Variants in RAB27B observed in about 807,000 individuals in gnomAD.
The protein encoded by RAB27B is RAB27B, member RAS oncogene family, also known as ras-related protein Rab-27B.
Under a neutral mutation model 24.6 loss-of-function variants are expected in RAB27B, and 15 were observed. The ratio of observed to expected loss-of-function variants is 0.61; its 90% CI spans 0.41 to 0.94. RAB27B has a LOEUF of 0.94. RAB27B is among the 40% of genes least tolerant of loss of function. RAB27B has a pLI of 0.00. For missense variants in RAB27B, 261 were observed against 266.8 expected (o/e 0.98, Z 0.15); for synonymous variants, 105 against 92.5 (o/e 1.14, Z -0.78).
In RAB27B at chr18:54,722,883, A is replaced by G. The variant is rs538805009; in HGVS notation, c.-20+4742A>G. 2.0e-5 allele frequency among the ~76,000 whole-genome samples: 3 copies of G among 152,322 alleles called. No individual in the cohort carries two copies. The East Asian group carries it at 5.8e-4, about 29-fold the overall frequency. On this transcript the variant is annotated intron_variant, in intron 2 of 4. Transcript: ENST00000586570. Reference sequence around the variant, plus strand: ...AACAATATTTTTCCCCAGTTATTTCAAAGGAAAACCTTCCTCCTGGAGTCT... The same window carrying G: ...AACAATATTTTTCCCCAGTTATTTCGAAGGAAAACCTTCCTCCTGGAGTCT...
intron 2 of RAB27B, among the ~76,000 whole-genome samples, chr18:54,799,621 T>G (rs1909535396): frequency 6.8e-4 from 1 of 1,474 alleles, no homozygotes; most frequent in Non-Finnish European, 6.1e-3. Context: ...ATGATTTTTT[T>G]TTTTTTTTTT....
At chr18:54,743,571 G>T (rs1001622345) in intron 2 of RAB27B, among the ~76,000 whole-genome samples, 1 of 152,140 alleles carries the variant, frequency 6.6e-6, no homozygotes, top group Non-Finnish European at 1.5e-5. Context: ...CAATAAATGC[G>T]GGAAAAAGCA....
At chr18:54,844,581 A>G (rs2145206568) in intron 1 of RAB27B, among the ~76,000 whole-genome samples, 1 of 151,482 alleles carries the variant, frequency 6.6e-6, no homozygotes, top group African/African-American at 2.4e-5. Context: ...TAATTTTTGT[A>G]TTTTTAGTAG....
At chr18:54,834,790 A>G (rs1157602054) in intron 1 of RAB27B, among the ~76,000 whole-genome samples, 1 of 150,114 alleles carries the variant, frequency 6.7e-6, no homozygotes, top group Admixed American at 6.6e-5. Flanking sequence ...GAAAAAGCAT[A>G]AGACTTTATT....
intron 2 of RAB27B, among the ~76,000 whole-genome samples, chr18:54,801,990 A>G (rs558879445): frequency 6.6e-6 from 1 of 152,298 alleles, no homozygotes; most frequent in East Asian, 1.9e-4. Flanking sequence ...CTTGCAGAAT[A>G]CATAGGCCAG....
In RAB27B at chr18:54,721,857, T is replaced by G. The variant is rs560400356; in HGVS notation, c.-20+3716T>G. Among the ~76,000 whole-genome samples, 10 of 152,286 alleles carry G rather than the reference T, an allele frequency of 6.6e-5. No individual in the cohort carries two copies. In the South Asian group the frequency reaches 1.2e-3, roughly 19 times the overall value. On this transcript the variant is annotated intron_variant, in intron 2 of 4. Transcript: ENST00000586570. ...GAAGACTTCCTGAAAAAGTGATGTA[T>G]CATCAGGGATCCAGGTGAAAAAGTT...
intron 2 of RAB27B, among the ~76,000 whole-genome samples, chr18:54,815,867 A>G (rs901182285): frequency 1.3e-5 from 2 of 152,048 alleles, no homozygotes; most frequent in Admixed American, 6.6e-5. Flanking sequence ...CAAGTGATCC[A>G]CCCACCTCGG....
At chr18:54,800,352 G>C (rs1015047455) in intron 2 of RAB27B, among the ~76,000 whole-genome samples, 1 of 152,134 alleles carries the variant, frequency 6.6e-6, no homozygotes, top group Admixed American at 6.6e-5. Flanking sequence ...ATGTAGACTT[G>C]TTCATGAAAG....
At chr18:54,773,840 A>G (rs777292489) in intron 2 of RAB27B, among the ~76,000 whole-genome samples, 1 of 151,806 alleles carries the variant, frequency 6.6e-6, no homozygotes, top group East Asian at 1.9e-4. Flanking sequence ...AGACCCGGCT[A>G]ATTTTTGTAT....
At chr18:54,736,747 T>C (rs1311049109) in intron 2 of RAB27B, among the ~76,000 whole-genome samples, 1 of 152,018 alleles carries the variant, frequency 6.6e-6, no homozygotes, top group African/African-American at 2.4e-5. Flanking sequence ...TTGGAGGGAA[T>C]TGAGTGAGGA....
chr18:54,746,952 T>C (rs1337108300), intron 2 of RAB27B, among the ~76,000 whole-genome samples: 1 of 152,188 alleles, frequency 6.6e-6, no homozygotes, highest in African/African-American at 2.4e-5. Context: ...GGGGCTATGA[T>C]GAGAATATGC....
At chr18:54,754,779 T>C (rs1178768318) in intron 2 of RAB27B, among the ~76,000 whole-genome samples, 1 of 152,234 alleles carries the variant, frequency 6.6e-6, no homozygotes, top group East Asian at 1.9e-4. Context: ...TATATTGTTA[T>C]GAGTATTGGG....
chr18:54,740,876 T>C (rs780210596), intron 2 of RAB27B, among the ~76,000 whole-genome samples: 25 of 152,038 alleles, frequency 1.6e-4, no homozygotes, highest in Non-Finnish European at 3.4e-4. Flanking sequence ...AATGAGGAGA[T>C]TTTACTGCTA....
In RAB27B at chr18:54,850,333, G is replaced by GATATATAT. The variant is rs35735191; in HGVS notation, c.-20+21653_-20+21660dup. 2.0e-3 allele frequency among the ~76,000 whole-genome samples: 192 copies of GATATATAT among 95,086 alleles called. 6 individuals are homozygous for GATATATAT. Among genetic ancestry groups the GATATATAT allele is most frequent in the Admixed American group, 6.1e-3 (52 of 8,548 alleles). 62.4% of individuals were successfully genotyped at this position (95,086 alleles called of 152,430 possible). ...TATTTATTTAAAAGCAAACAAACAG[G>GATATATAT]ATATATATATATATATATATATATA... On this transcript the variant is annotated intron_variant, in intron 1 of 5. Coordinates refer to ENST00000262094, the MANE Select transcript of RAB27B (RefSeq NM_004163.4).
intron 2 of RAB27B, among the ~76,000 whole-genome samples, chr18:54,752,108 T>C (rs1477150459): frequency 6.6e-6 from 1 of 152,236 alleles, no homozygotes; most frequent in African/African-American, 2.4e-5. Context: ...GTGTGCATTT[T>C]TCTGTACTTG....
chr18:54,863,539 T>C (rs1912089112), intron 1 of RAB27B, among the ~76,000 whole-genome samples: 1 of 152,198 alleles, frequency 6.6e-6, no homozygotes, highest in African/African-American at 2.4e-5. Context: ...TATCATAAAA[T>C]CTACCCTTTT....
chr18:54,764,523 G>A (rs1198685471), intron 2 of RAB27B, among the ~76,000 whole-genome samples: 1 of 152,104 alleles, frequency 6.6e-6, no homozygotes, highest in Non-Finnish European at 1.5e-5. Flanking sequence ...TGGGAAATAG[G>A]CTAAGATGGG....
intron 1 of RAB27B, among the ~76,000 whole-genome samples, chr18:54,863,977 T>C (rs74457324): frequency 0.035 from 5,294 of 152,318 alleles, 318 homozygotes; most frequent in African/African-American, 0.12. Context: ...TGAGCATTCA[T>C]GTACAAATCT....
chr18:54,740,847 T>G (rs929230635), intron 2 of RAB27B, among the ~76,000 whole-genome samples: 1 of 152,138 alleles, frequency 6.6e-6, no homozygotes, highest in Non-Finnish European at 1.5e-5. Context: ...GATCGATAGA[T>G]AGATAATATA....
Sources: allele counts gnomAD v4.1 joint callset (sites outside exome capture counted in the v4.1 genomes callset), GRCh38; gene constraint gnomAD v4.1.1; transcripts MANE v1.5; gene names NCBI Gene and HGNC (gene_info 2026-07-23, HGNC 2026-07-21).